The following NCAM2 variants were observed in gnomAD, a reference collection of about 807,000 sequenced individuals.
NCAM2 encodes N-CAM-2.
Under a neutral mutation model 98.1 loss-of-function variants are expected in NCAM2, and 30 were observed. The observed-to-expected ratio is 0.31, with a 90% confidence interval of 0.23 to 0.41. The LOEUF is 0.41. Ranked by LOEUF, NCAM2 falls within the 10% of genes least tolerant of loss-of-function variation. The pLI, the probability that NCAM2 is intolerant of heterozygous loss-of-function variation, is 1.00. For missense variants in NCAM2, 867 were observed against 1,005.8 expected, an observed-to-expected ratio of 0.86 and a Z score of 1.87; for synonymous variants, 368 against 342.4, an observed-to-expected ratio of 1.07 and a Z score of -0.83.
At chr21:21,211,746 T>C (rs757371528) in intron 1 of NCAM2, among the ~76,000 whole-genome samples, 4 of 152,212 alleles carry the variant, frequency 2.6e-5, no homozygotes, top group Non-Finnish European at 4.4e-5. Flanking sequence ...CCCTTTCGTT[T>C]ATTTCTCTCA....
At chr21:21,241,867 C>A (rs544691263) in intron 1 of NCAM2, among the ~76,000 whole-genome samples, 1 of 152,214 alleles carries the variant, frequency 6.6e-6, no homozygotes, top group African/African-American at 2.4e-5. Context: ...AGCTTCTACA[C>A]TAATTGATAG....
At chr21:21,498,820 AAAT>A (rs1220782799) in intron 15 of NCAM2, among the ~76,000 whole-genome samples, 1 of 152,200 alleles carries the variant, frequency 6.6e-6, no homozygotes, top group African/African-American at 2.4e-5. Flanking sequence ...ATATTGGACA[AAAT>A]AATAATACAA....
intron 6 of NCAM2, among the ~76,000 whole-genome samples, chr21:21,331,884 G>A (rs1196696464): frequency 6.8e-6 from 1 of 146,978 alleles, no homozygotes; most frequent in African/African-American, 2.5e-5. Flanking sequence ...ACCACACCTG[G>A]CCGTATCCTG....
chr21:21,487,926 C>T (rs1986527493), intron 15 of NCAM2, among the ~76,000 whole-genome samples: 1 of 152,078 alleles, frequency 6.6e-6, no homozygotes, highest in East Asian at 1.9e-4. Flanking sequence ...TACTATAGGT[C>T]ATTAGGACGG....
chr21:21,074,901 G>A (rs375745519), intron 1 of NCAM2, among the ~76,000 whole-genome samples: 74 of 152,096 alleles, frequency 4.9e-4, no homozygotes, highest in Non-Finnish European at 9.3e-4. Context: ...TGTTTATTAC[G>A]GCACTATTCA....
rs2077437473 is a variant in NCAM2 at position 21,435,021 on chromosome 21, TTTTTGGAGATAGAATATTCC to T, written c.1654+2745_1654+2764del. On this transcript the variant is annotated intron_variant, in intron 12 of 17. Coordinates refer to ENST00000400546, the MANE Select transcript of NCAM2 (RefSeq NM_004540.5). ...CACCAGAAGGAGATAGAATATTTCA[TTTTTGGAGATAGAATATTCC>T]TTTTTGGAGACAGAATATTCATCAT... Among the ~76,000 whole-genome samples, 6 of 130,012 alleles carry T rather than the reference TTTTTGGAGATAGAATATTCC, an allele frequency of 4.6e-5. No homozygotes were observed. In the South Asian group the frequency reaches 1.3e-3, roughly 29 times the overall value. The allele number at this position is 130,012 out of a possible 152,430, so 85.3% of individuals were successfully genotyped here. A position where few individuals can be genotyped will look rare whatever the true frequency, so the allele number is the denominator to read the frequency against.
intron 1 of NCAM2, among the ~76,000 whole-genome samples, chr21:21,102,506 TTGGCACTTAACTAATAACTCA>T (rs1569024892): frequency 6.6e-6 from 1 of 152,012 alleles, no homozygotes; most frequent in Non-Finnish European, 1.5e-5. Flanking sequence ...ATAAAATTTT[TTGGCACTTAACTAATAACTCA>T]TGGATATAAA....
rs574654850 is a variant in NCAM2, at chr21:21,107,850, A to G, written c.55+109232A>G. Among the ~76,000 whole-genome samples, 9 of 152,228 alleles carry G rather than the reference A, an allele frequency of 5.9e-5. No individual in the cohort carries two copies. The East Asian group carries it at 1.7e-3, about 29-fold the overall frequency. On this transcript the variant is annotated intron_variant, in intron 1 of 17. Coordinates refer to ENST00000400546, the MANE Select transcript of NCAM2 (RefSeq NM_004540.5). ...CGGTGTCACTGCCAATACTTAATTT[A>G]TATCTAGTGGGAGAAGAATTATATA... is the stretch of plus-strand genomic sequence containing the variant.
intron 5 of NCAM2, among the ~76,000 whole-genome samples, chr21:21,310,252 T>C (rs1335787246): frequency 3.9e-5 from 6 of 152,198 alleles, no homozygotes; most frequent in Non-Finnish European, 7.3e-5. Flanking sequence ...CCAGTGAATT[T>C]TTAACAGCAG....
At chr21:21,020,827 G>A (rs2064418639) in intron 1 of NCAM2, among the ~76,000 whole-genome samples, 1 of 152,166 alleles carries the variant, frequency 6.6e-6, no homozygotes, top group African/African-American at 2.4e-5. Flanking sequence ...TAAAGACATA[G>A]GGGAGAGGGA....
At chr21:21,210,642 C>G (rs1046363366) in intron 1 of NCAM2, 6 of 1,283,842 alleles carry the variant, frequency 4.7e-6, no homozygotes, top group Non-Finnish European at 6.1e-6. Flanking sequence ...GGAAATACAA[C>G]GAAGCACTTT....
chr21:21,260,230 A>G (rs754565156), intron 1 of NCAM2, among the ~76,000 whole-genome samples: 2 of 152,002 alleles, frequency 1.3e-5, no homozygotes, highest in Admixed American at 6.6e-5. Context: ...ACTTATTGGC[A>G]TTCCTGAGAT....
chr21:21,081,206 A>G (rs2065790857), intron 1 of NCAM2, among the ~76,000 whole-genome samples: 1 of 152,060 alleles, frequency 6.6e-6, no homozygotes, highest in Non-Finnish European at 1.5e-5. Context: ...TGCTCCTAGG[A>G]GGTCATTTAC....
At chr21:21,387,666 A>G (rs2145811418) in intron 9 of NCAM2, among the ~76,000 whole-genome samples, 1 of 152,314 alleles carries the variant, frequency 6.6e-6, no homozygotes, top group Non-Finnish European at 1.5e-5. Flanking sequence ...AAAGAGACAT[A>G]TCTATGAATT....
chr21:21,121,806 C>G (rs539960793), intron 1 of NCAM2, among the ~76,000 whole-genome samples: 1 of 152,200 alleles, frequency 6.6e-6, no homozygotes, highest in Non-Finnish European at 1.5e-5. Context: ...GCCCATGGAT[C>G]GATCTGCTGC....
chr21:21,442,402 G>A (rs917557183), intron 12 of NCAM2, among the ~76,000 whole-genome samples: 1 of 152,160 alleles, frequency 6.6e-6, no homozygotes, highest in Non-Finnish European at 1.5e-5. Context: ...TAAAGAAACT[G>A]AAGCTGATTC....
At chr21:21,521,483 G>C (rs572396403) in intron 16 of NCAM2, among the ~76,000 whole-genome samples, 2 of 152,278 alleles carry the variant, frequency 1.3e-5, no homozygotes, top group African/African-American at 2.4e-5. Flanking sequence ...GGAATTATCA[G>C]ACTAGGAATT....
intron 1 of NCAM2, among the ~76,000 whole-genome samples, chr21:21,137,713 G>C (rs1019223777): frequency 1.3e-5 from 2 of 152,142 alleles, no homozygotes; most frequent in Non-Finnish European, 2.9e-5. Context: ...AGCCGAGATC[G>C]TGCCATTGCA....
At chr21:21,066,532 G>A (rs1424671254) in intron 1 of NCAM2, among the ~76,000 whole-genome samples, 1 of 152,078 alleles carries the variant, frequency 6.6e-6, no homozygotes, top group Non-Finnish European at 1.5e-5. Flanking sequence ...AAATGATGTA[G>A]CTGTGGAAAC....
Sources: gnomAD v4.1 joint callset for allele counts (sites outside exome capture counted in the v4.1 genomes callset) on GRCh38, gnomAD v4.1.1 for gene constraint, MANE v1.5 for transcripts, NCBI Gene and HGNC (gene_info 2026-07-23, HGNC 2026-07-21) for gene names.